The following TENM4 variants were observed in gnomAD, a reference collection of about 807,000 sequenced individuals.
TENM4 encodes the protein teneurin-4.
Under a neutral mutation model 243.3 loss-of-function variants are expected in TENM4, and 82 were observed. The ratio of observed to expected loss-of-function variants is 0.34; its 90% confidence interval spans 0.28 to 0.40. The LOEUF is 0.40. Among genes scored for constraint, TENM4 ranks in the 10% least tolerant of loss-of-function variants. TENM4 has a pLI of 1.00. For missense variants in TENM4, 3,138 were observed against 3,673.3 expected (o/e 0.85, Z 3.77); for synonymous variants, 1,412 against 1,456.3 (o/e 0.97, Z 0.69).
intron 19 of TENM4, among the ~76,000 whole-genome samples, chr11:78,742,370 T>G (rs775407186): frequency 6.6e-6 from 1 of 152,198 alleles, no homozygotes; most frequent in Non-Finnish European, 1.5e-5. Context: ...TACTGTGTTA[T>G]GTACCTGCAG....
At chr11:79,011,470 C>T (rs1006972650) in intron 6 of TENM4, among the ~76,000 whole-genome samples, 6 of 152,188 alleles carry the variant, frequency 3.9e-5, no homozygotes, top group Non-Finnish European at 2.9e-5. Flanking sequence ...CTCTCCTAAG[C>T]GAGTATTGCC....
intron 4 of TENM4, among the ~76,000 whole-genome samples, chr11:79,076,689 A>G (rs763935749): frequency 4.6e-5 from 7 of 152,090 alleles, no homozygotes; most frequent in Admixed American, 1.3e-4. Context: ...GAAGGTTTCA[A>G]TAGGGACGTG....
At chr11:79,390,603 G>GCCA (rs1016236961) in intron 1 of TENM4, among the ~76,000 whole-genome samples, 3 of 151,954 alleles carry the variant, frequency 2.0e-5, no homozygotes, top group Non-Finnish European at 4.4e-5. Context: ...AAGAGAGGCC[G>GCCA]ATTCAGAGTC....
chr11:78,689,384 ATGGGGACACAGTTCTTCCTC>A (rs549029361), intron 28 of TENM4, among the ~76,000 whole-genome samples: 107 of 152,216 alleles, frequency 7.0e-4, no homozygotes, highest in African/African-American at 2.4e-3. Context: ...TTGTGTGTGA[ATGGGGACACAGTTCTTCCTC>A]TACATGGCAA....
At chr11:79,417,688 C>T (rs1858847689) in intron 1 of TENM4, among the ~76,000 whole-genome samples, 1 of 151,916 alleles carries the variant, frequency 6.6e-6, no homozygotes, top group Admixed American at 6.5e-5. Context: ...AATATGACAT[C>T]ATCTATGTAA....
intron 1 of TENM4, among the ~76,000 whole-genome samples, chr11:79,386,065 T>G (rs1001612659): frequency 6.6e-6 from 1 of 152,238 alleles, no homozygotes; most frequent in African/African-American, 2.4e-5. Flanking sequence ...TAGAATCAGA[T>G]AGCCCTGGCC....
intron 27 of TENM4, among the ~76,000 whole-genome samples, chr11:78,704,157 G>GTATA (rs1201390547): frequency 1.4e-5 from 1 of 70,530 alleles, no homozygotes; most frequent in Non-Finnish European, 2.8e-5. Flanking sequence ...ATGTATGTGT[G>GTATA]TCTATATATA....
In TENM4 at chr11:79,215,854, C is replaced by T; in HGVS notation, c.-209G>A. ...CTGAAGAGTCAGCAATGTCCGTGGGCCCTGCAGCCCTCTCTCCAAGGCCAT... is the reference window on the plus strand; with the variant it reads ...CTGAAGAGTCAGCAATGTCCGTGGGTCCTGCAGCCCTCTCTCCAAGGCCAT... On this transcript the variant is annotated 5_prime_UTR_variant, in exon 3 of 34. Transcript: ENST00000278550. 1 of 985,926 alleles carries T rather than the reference C, an allele frequency of 1.0e-6. No homozygotes were observed. The highest frequency in any genetic ancestry group is 4.7e-5 in the South Asian group (1 of 21,280). 61.1% of individuals were successfully genotyped at this position (985,926 alleles called of 1,614,324 possible).
At chr11:78,888,720 T>G (rs1239376606) in intron 9 of TENM4, among the ~76,000 whole-genome samples, 3 of 152,234 alleles carry the variant, frequency 2.0e-5, no homozygotes, top group Admixed American at 6.5e-5. Context: ...GGCAGCACTG[T>G]CTTTTTTGGC....
At chr11:79,300,416 A>G (rs567867) in intron 1 of TENM4, among the ~76,000 whole-genome samples, 117,284 of 152,122 alleles carry the variant, frequency 0.77, 45,444 homozygotes, top group Middle Eastern at 0.9. Context: ...ACACAGCATT[A>G]TTTCTAATTT....
At chr11:79,328,853 G>T (rs1374148020) in intron 1 of TENM4, among the ~76,000 whole-genome samples, 1 of 152,154 alleles carries the variant, frequency 6.6e-6, no homozygotes, top group Non-Finnish European at 1.5e-5. Flanking sequence ...CCCAGAAGAA[G>T]AAACTGAGGT....
chr11:79,247,581 A>G (rs1485177801), intron 2 of TENM4, among the ~76,000 whole-genome samples: 1 of 152,134 alleles, frequency 6.6e-6, no homozygotes, highest in Non-Finnish European at 1.5e-5. Flanking sequence ...TTGGGAGTTT[A>G]CCTTCATTAT....
chr11:79,315,214 C>G (rs1235752683), intron 1 of TENM4, among the ~76,000 whole-genome samples: 1 of 152,132 alleles, frequency 6.6e-6, no homozygotes, highest in Non-Finnish European at 1.5e-5. Context: ...TGGAGCAAAC[C>G]AGGGCACTCA....
intron 2 of TENM4, among the ~76,000 whole-genome samples, chr11:79,292,545 C>T (rs1856374270): frequency 6.6e-6 from 1 of 152,204 alleles, no homozygotes; most frequent in Non-Finnish European, 1.5e-5. Context: ...TAAATGGAAA[C>T]CTCTCATAGC....
intron 6 of TENM4, among the ~76,000 whole-genome samples, chr11:79,050,197 A>G (rs79977338): frequency 0.018 from 2,755 of 152,350 alleles, 90 homozygotes; most frequent in African/African-American, 0.062. Context: ...AATGTGAATA[A>G]TAATGGCCAG....
chr11:79,327,649 CTTT>C (rs11408549), intron 1 of TENM4, among the ~76,000 whole-genome samples: 44 of 119,762 alleles, frequency 3.7e-4, no homozygotes, highest in Admixed American at 6.9e-4. Flanking sequence ...AATTGGAAAG[CTTT>C]TTTTTTTTTT....
chr11:78,825,369 T>G lies in TENM4; in HGVS notation c.1682-10974A>C, dbSNP rs182562865. On this transcript the variant is annotated intron_variant, in intron 12 of 33. Coordinates refer to ENST00000278550, the MANE Select transcript of TENM4 (RefSeq NM_001098816.3). ...TACTCAGGAAATATTAGTTTACTCC[T>G]GTATAAGCTCTGTGATTTTCAAACT... is the stretch of plus-strand genomic sequence containing the variant. 1.4e-4 allele frequency among the ~76,000 whole-genome samples: 22 copies of G among 152,356 alleles called. No homozygotes were observed. The East Asian group carries it at 3.9e-3, about 27-fold the overall frequency.
intron 5 of TENM4, among the ~76,000 whole-genome samples, chr11:79,065,420 T>A (rs111827314): frequency 6.9e-4 from 105 of 152,336 alleles, no homozygotes; most frequent in African/African-American, 2.4e-3. Flanking sequence ...ATGCTTATTC[T>A]TAAATCTCTT....
At chr11:79,293,715 G>A (rs1026333663) in intron 2 of TENM4, among the ~76,000 whole-genome samples, 3 of 152,038 alleles carry the variant, frequency 2.0e-5, no homozygotes, top group Non-Finnish European at 4.4e-5. Context: ...TGGCTTTGAA[G>A]GCCCAGGCAA....
Sources: allele counts gnomAD v4.1 joint callset (sites outside exome capture counted in the v4.1 genomes callset), GRCh38; gene constraint gnomAD v4.1.1; transcripts MANE v1.5; gene names NCBI Gene and HGNC (gene_info 2026-07-23, HGNC 2026-07-21).